The following PLCE1 variants were observed in gnomAD, a reference collection of about 807,000 sequenced individuals.
PLCE1 encodes 1-phosphatidylinositol 4,5-bisphosphate phosphodiesterase epsilon-1.
A neutral mutation model predicts 242.8 loss-of-function variants in PLCE1; 119 were observed. The observed-to-expected ratio is 0.49, with a 90% confidence interval of 0.42 to 0.57. PLCE1 has a LOEUF of 0.57. PLCE1 is among the 20% of genes least tolerant of loss of function. The pLI is 0.00. For synonymous variants in PLCE1, 945 were observed against 1,017.4 expected (o/e 0.93, Z 1.35); for missense variants, 2,441 against 2,788.8 (o/e 0.88, Z 2.81).
intron 3 of PLCE1, among the ~76,000 whole-genome samples, chr10:94,154,560 T>C (rs1219934380): frequency 6.6e-6 from 1 of 152,072 alleles, no homozygotes; most frequent in Non-Finnish European, 1.5e-5. Context: ...ATCACATATA[T>C]AATAAGAGAT....
intron 3 of PLCE1, among the ~76,000 whole-genome samples, chr10:94,159,210 A>G (rs1377946902): frequency 6.6e-6 from 1 of 152,112 alleles, no homozygotes; most frequent in Non-Finnish European, 1.5e-5. Context: ...CTTAGAAGTA[A>G]TATGCTTCAT....
intron 9 of PLCE1, among the ~76,000 whole-genome samples, chr10:94,253,776 G>A (rs2050966730): frequency 6.6e-6 from 1 of 152,056 alleles, no homozygotes; most frequent in Admixed American, 6.6e-5. Context: ...CCTCCCACTA[G>A]GCCCCACCTC....
At position 94,246,551 on chromosome 10, in the gene PLCE1, T is replaced by C. The variant is rs770758387; in HGVS notation, c.3026T>C (p.Val1009Ala). ...FSGLLELTRA[V>A]RKMRKFPDQR... ...GGATTATTGGAACTCACTAGAGCTG[T>C]GAGAAAGATGAGGAAATTCCCTGAC... Residue 1009 changes from valine (V) to alanine (A), a missense_variant, in exon 8 of 33, where the codon GTG becomes GCG. Val to Ala is a moderately conservative substitution (Grantham distance 64). Transcript: ENST00000371380. The C allele has an allele frequency of 1.2e-6, 2 of 1,614,024 alleles. No homozygotes were observed. The highest frequency in any genetic ancestry group is 1.7e-6 in the Non-Finnish European group (2 of 1,179,896).
At chr10:94,134,298 C>T (rs2046699996) in intron 3 of PLCE1, among the ~76,000 whole-genome samples, 1 of 152,074 alleles carries the variant, frequency 6.6e-6, no homozygotes, top group Admixed American at 6.6e-5. Context: ...GGGGTTTTGC[C>T]ATGTTGGCCA....
At chr10:94,039,632 C>A (rs1162751693) in intron 2 of PLCE1, among the ~76,000 whole-genome samples, 1 of 152,134 alleles carries the variant, frequency 6.6e-6, no homozygotes, top group African/African-American at 2.4e-5. Flanking sequence ...GTGATCCGCC[C>A]ACCTTGGCCT....
In PLCE1 at chr10:94,284,741, G is replaced by A. The variant is rs569025590; in HGVS notation, c.4918-107G>A. 5.2e-5 allele frequency: 39 copies of A among 751,262 alleles called. No individual in the cohort carries two copies. In the African/African-American group the frequency reaches 6.4e-4, roughly 12 times the overall value. 46.5% of individuals were successfully genotyped at this position (751,262 alleles called of 1,614,324 possible). ...TATATGGATAATTACCATGCAAGGG[G>A]AAATACAGTAATAACACCAGAGGAG... On this transcript the variant is annotated intron_variant, in intron 21 of 32. Coordinates refer to ENST00000371380, the MANE Select transcript of PLCE1 (RefSeq NM_016341.4).
At chr10:94,148,915 A>T (rs75265799) in intron 3 of PLCE1, among the ~76,000 whole-genome samples, 1 of 152,148 alleles carries the variant, frequency 6.6e-6, no homozygotes, top group Non-Finnish European at 1.5e-5. Flanking sequence ...TGGAGAGATT[A>T]AACTAGTTGT....
intron 2 of PLCE1, among the ~76,000 whole-genome samples, chr10:94,049,844 A>G (rs2043714145): frequency 6.6e-6 from 1 of 152,188 alleles, no homozygotes; most frequent in African/African-American, 2.4e-5. Context: ...CTATTTTTGA[A>G]CATTATATAA....
At chr10:94,007,699 CTTTTTTT>C (rs80098906) in intron 1 of PLCE1, among the ~76,000 whole-genome samples, 6 of 64,142 alleles carry the variant, frequency 9.4e-5, no homozygotes, top group South Asian at 5.9e-4. Context: ...AGCCTACTTT[CTTTTTTT>C]TTTTTTTTTT....
chr10:94,085,585 C>T (rs976176331), intron 2 of PLCE1, among the ~76,000 whole-genome samples: 4 of 152,174 alleles, frequency 2.6e-5, no homozygotes, highest in Non-Finnish European at 5.9e-5. Context: ...TTGAGGCACC[C>T]TGCCTACACC....
chr10:94,039,068 A>G (rs2061718340), intron 2 of PLCE1, among the ~76,000 whole-genome samples: 1 of 152,240 alleles, frequency 6.6e-6, no homozygotes. Context: ...ATGAATCAAT[A>G]TTCATACTTT....
At chr10:94,115,102 A>C (rs1024361191) in intron 2 of PLCE1, among the ~76,000 whole-genome samples, 2 of 152,102 alleles carry the variant, frequency 1.3e-5, no homozygotes, top group Admixed American at 1.3e-4. Flanking sequence ...TGAACTCATC[A>C]TTTTTTATGG....
chr10:94,313,342 C>T lies in PLCE1; in HGVS notation c.6092C>T (p.Thr2031Ile). ...VPGPEPFTVFTINGGTKAKQL... is the reference protein window; with the variant it reads ...VPGPEPFTVFIINGGTKAKQL... ...GGGCCAGAGCCCTTTACCGTTTTCA[C>T]TATTAATGGAGGCACCAAGGCAAAG... The change falls in exon 28 of 33, where the codon ACT (threonine) becomes ATT (isoleucine). Residue 2031 changes from threonine to isoleucine, a missense_variant. By Grantham distance (89) the Thr-to-Ile change is moderately conservative. Coordinates refer to ENST00000371380, the MANE Select transcript of PLCE1 (RefSeq NM_016341.4). 6.2e-7 allele frequency: 1 copy of T among 1,614,192 alleles called. No individual in the cohort carries two copies. The highest frequency in any genetic ancestry group is 2.2e-5 in the East Asian group (1 of 44,880).
At chr10:94,024,262 C>G (rs932520406) in intron 1 of PLCE1, among the ~76,000 whole-genome samples, 1 of 152,094 alleles carries the variant, frequency 6.6e-6, no homozygotes, top group Non-Finnish European at 1.5e-5. Flanking sequence ...TACAGATACT[C>G]AAAGGGACTC....
intron 2 of PLCE1, among the ~76,000 whole-genome samples, chr10:94,102,698 T>C (rs1028676951): frequency 6.6e-6 from 1 of 152,178 alleles, no homozygotes; most frequent in African/African-American, 2.4e-5. Context: ...GGCTATCCTG[T>C]CTGCATCCTC....
intron 4 of PLCE1, among the ~76,000 whole-genome samples, chr10:94,178,890 A>G (rs2048209667): frequency 6.6e-6 from 1 of 152,244 alleles, no homozygotes; most frequent in South Asian, 2.1e-4. Flanking sequence ...AACCATGTTT[A>G]GAAACGTCTC....
intron 4 of PLCE1, among the ~76,000 whole-genome samples, chr10:94,181,882 A>G (rs56204274): frequency 0.052 from 7,074 of 136,180 alleles, 371 homozygotes; most frequent in African/African-American, 0.17. Flanking sequence ...ATGCCACTAT[A>G]CTCCAGTCTG....
At chr10:94,205,451 G>T (rs78536753) in intron 4 of PLCE1, among the ~76,000 whole-genome samples, 3,014 of 152,338 alleles carry the variant, frequency 0.02, 103 homozygotes, top group African/African-American at 0.068. Flanking sequence ...AGTTGCATGT[G>T]AATAAAAGAA....
intron 2 of PLCE1, among the ~76,000 whole-genome samples, chr10:94,127,506 A>G (rs1053355968): frequency 2.6e-5 from 4 of 152,190 alleles, no homozygotes; most frequent in Non-Finnish European, 5.9e-5. Flanking sequence ...GCAATCTCCA[A>G]TGTACAGGTA....
Sources: allele counts gnomAD v4.1 joint callset (sites outside exome capture counted in the v4.1 genomes callset), GRCh38; gene constraint gnomAD v4.1.1; transcripts MANE v1.5; gene names NCBI Gene and HGNC (gene_info 2026-07-23, HGNC 2026-07-21).